The following CPA6 variants were observed in gnomAD, a reference collection of about 807,000 sequenced individuals.
CPA6 encodes the protein carboxypeptidase B.
CPA6 carries 58 observed loss-of-function variants against 63.3 expected under a neutral mutation model. That is an observed-to-expected ratio of 0.92 (90% CI 0.74 to 1.14). The LOEUF is 1.14. Ranked by LOEUF, CPA6 falls within the 50% of genes most tolerant of loss-of-function variation. CPA6 has a pLI of 0.00. For synonymous variants in CPA6, 185 were observed against 179.0 expected (o/e 1.03, Z -0.27); for missense variants, 565 against 526.6 (o/e 1.07, Z -0.71).
intron 2 of CPA6, among the ~76,000 whole-genome samples, chr8:67,607,272 TTTC>T (rs892192682): frequency 6.9e-6 from 1 of 144,630 alleles, no homozygotes; most frequent in East Asian, 2.0e-4. Context: ...TCCTTTCTTC[TTTC>T]TTCTTCTTGT....
At position 67,732,918 on chromosome 8, in the gene CPA6, C is replaced by A. The variant is rs530818776; in HGVS notation, c.116+13096G>T. On this transcript the variant is annotated intron_variant, in intron 1 of 10. Transcript: ENST00000297770. The stretch of plus-strand genomic sequence containing the variant: ...TGGTTCTCAAAGTTTAGCTTCTTGC[C>A]GGGCGTGGTGGCTCACGCCTGTAAT... Among the ~76,000 whole-genome samples, 7 of 152,016 alleles carry A rather than the reference C, an allele frequency of 4.6e-5. No homozygotes were observed. The East Asian group carries it at 1.4e-3, about 30-fold the overall frequency.
chr8:67,496,519 TTA>T (rs1163959938), intron 6 of CPA6, among the ~76,000 whole-genome samples: 8,042 of 93,844 alleles, frequency 0.086, 326 homozygotes, highest in East Asian at 0.16. Context: ...ACTATATAGT[TTA>T]TATATATATA....
intron 1 of CPA6, among the ~76,000 whole-genome samples, chr8:67,718,584 C>T (rs1030596202): frequency 5.9e-5 from 9 of 152,078 alleles, no homozygotes; most frequent in African/African-American, 2.2e-4. Context: ...TGGACTGATA[C>T]CTTTCCCTAA....
chr8:67,424,722 A>G (rs1809846504), intron 10 of CPA6, among the ~76,000 whole-genome samples: 3 of 152,142 alleles, frequency 2.0e-5, no homozygotes, highest in Admixed American at 1.3e-4. Context: ...ACCACTTTCA[A>G]TCTGGCTATT....
chr8:67,567,847 G>A (rs946470579), intron 2 of CPA6, among the ~76,000 whole-genome samples: 4 of 152,130 alleles, frequency 2.6e-5, no homozygotes, highest in African/African-American at 9.7e-5. Context: ...ATTCTGAGAT[G>A]CTTCCCAGGA....
rs1563968030 is a variant in CPA6 at position 67,475,880 on chromosome 8, TCCTTTCTTTCTTTC to T, written c.838+7874_838+7887del. Among the ~76,000 whole-genome samples the T allele has an allele frequency of 5.1e-3, 219 of 43,250 alleles. 7 individuals are homozygous for T. The highest frequency in any genetic ancestry group is 0.018 in the African/African-American group (202 of 11,462). 28.4% of individuals were successfully genotyped at this position (43,250 alleles called of 152,430 possible). On this transcript the variant is annotated intron_variant, in intron 8 of 10. Coordinates refer to ENST00000297770, the MANE Select transcript of CPA6 (RefSeq NM_020361.5). Reference sequence around the variant, plus strand: ...CTTTCTTTCTTTCTTTCTTTCTTTCTCCTTTCTTTCTTTCTTTCTTTCTTTCTTTCTTTCTTTCT... The same window carrying T: ...CTTTCTTTCTTTCTTTCTTTCTTTCTTTTCTTTCTTTCTTTCTTTCTTTCT...
chr8:67,495,225 C>T (rs1811685420), intron 6 of CPA6, among the ~76,000 whole-genome samples: 1 of 152,216 alleles, frequency 6.6e-6, no homozygotes, highest in African/African-American at 2.4e-5. Context: ...CCACAAATCT[C>T]TTGGGCATCT....
intron 1 of CPA6, among the ~76,000 whole-genome samples, chr8:67,722,487 A>G (rs1587728955): frequency 6.6e-6 from 1 of 152,220 alleles, no homozygotes; most frequent in African/African-American, 2.4e-5. Flanking sequence ...GAAGTAAACT[A>G]GGCTGTGACC....
chr8:67,476,685 T>C (rs1341832117), intron 8 of CPA6, among the ~76,000 whole-genome samples: 2 of 152,168 alleles, frequency 1.3e-5, no homozygotes, highest in Non-Finnish European at 2.9e-5. Flanking sequence ...TAATCATTCA[T>C]GGCAACTTGA....
intron 2 of CPA6, among the ~76,000 whole-genome samples, chr8:67,526,087 A>C (rs1812357356): frequency 2.6e-5 from 4 of 152,216 alleles, no homozygotes; most frequent in Admixed American, 2.6e-4. Flanking sequence ...AACATGGGAA[A>C]CGACAGGCAA....
intron 6 of CPA6, among the ~76,000 whole-genome samples, chr8:67,497,930 G>C (rs980669774): frequency 4.3e-3 from 1 of 230 alleles, no homozygotes; most frequent in Non-Finnish European, 8.6e-3. Context: ...GGCCTCAAGT[G>C]ATTCATTCCG....
At chr8:67,700,928 A>G (rs1484238797) in intron 1 of CPA6, among the ~76,000 whole-genome samples, 5 of 152,174 alleles carry the variant, frequency 3.3e-5, no homozygotes, top group African/African-American at 9.6e-5. Context: ...TCTTTATGCC[A>G]GAAACACATA....
At chr8:67,745,838 T>C (rs1817996604) in intron 1 of CPA6, among the ~76,000 whole-genome samples, 176 bp downstream of exon 1, 1 of 152,100 alleles carries the variant, frequency 6.6e-6, no homozygotes, top group Non-Finnish European at 1.5e-5. Flanking sequence ...CCACATTCTC[T>C]CAGTGAGCTA....
At chr8:67,472,402 T>TTTATTTTATC (rs1268821882) in intron 8 of CPA6, among the ~76,000 whole-genome samples, 1 of 108,666 alleles carries the variant, frequency 9.2e-6, no homozygotes, top group African/African-American at 5.0e-5. Flanking sequence ...TTTATTTTAT[T>TTTATTTTATC]TTATCTTATC....
chr8:67,667,520 T>C (rs943958260), intron 1 of CPA6, among the ~76,000 whole-genome samples: 2 of 152,002 alleles, frequency 1.3e-5, no homozygotes, highest in African/African-American at 4.8e-5. Flanking sequence ...AAAAAAAAAA[T>C]TAAAGCTGTT....
chr8:67,717,389 C>G (rs961649346), intron 1 of CPA6, among the ~76,000 whole-genome samples: 5 of 152,182 alleles, frequency 3.3e-5, no homozygotes, highest in Admixed American at 2.0e-4. Context: ...CCAGAAGTAT[C>G]TTTTCTCTGC....
intron 1 of CPA6, among the ~76,000 whole-genome samples, chr8:67,657,364 C>G (rs975435748): frequency 6.6e-6 from 1 of 152,180 alleles, no homozygotes. Flanking sequence ...GAAAATGTAA[C>G]TATATAATTC....
At chr8:67,463,671 C>T (rs890499500) in intron 8 of CPA6, among the ~76,000 whole-genome samples, 2 of 152,148 alleles carry the variant, frequency 1.3e-5, no homozygotes, top group Non-Finnish European at 1.5e-5. Context: ...TCTTGTCCCT[C>T]TCCTTCCCTC....
chr8:67,536,058 G>A (rs1173951021), intron 2 of CPA6, among the ~76,000 whole-genome samples: 2 of 152,090 alleles, frequency 1.3e-5, no homozygotes, highest in Non-Finnish European at 2.9e-5. Context: ...TGTTCCATTG[G>A]TCTATATATC....
Sources: gnomAD v4.1 joint callset for allele counts (sites outside exome capture counted in the v4.1 genomes callset) on GRCh38, gnomAD v4.1.1 for gene constraint, MANE v1.5 for transcripts, NCBI Gene and HGNC (gene_info 2026-07-23, HGNC 2026-07-21) for gene names.